Variants in SIPA1L3 observed in about 807,000 individuals in gnomAD.
SIPA1L3 encodes the protein signal-induced proliferation-associated 1-like protein 3.
SIPA1L3 carries 59 observed loss-of-function variants against 150.1 expected under a neutral mutation model. The observed-to-expected ratio is 0.39, with a 90% CI of 0.32 to 0.49. The LOEUF is 0.49. Among genes scored for constraint, SIPA1L3 ranks in the 20% least tolerant of loss-of-function variants. The pLI, the probability that SIPA1L3 is intolerant of heterozygous loss-of-function variation, is 0.86. For synonymous variants in SIPA1L3, 1,070 were observed against 1,077.6 expected, an observed-to-expected ratio of 0.99 and a Z score of 0.14; for missense variants, 2,211 against 2,489.5, an observed-to-expected ratio of 0.89 and a Z score of 2.38.
At chr19:37,919,183 C>G (rs1278558828) in intron 1 of SIPA1L3, among the ~76,000 whole-genome samples, 3 of 152,290 alleles carry the variant, frequency 2.0e-5, no homozygotes, top group East Asian at 3.9e-4. Context: ...TCCTGGCCTT[C>G]TACCTAAACA....
intron 1 of SIPA1L3, among the ~76,000 whole-genome samples, chr19:37,919,802 C>A (rs1295323617): frequency 6.6e-6 from 1 of 151,000 alleles, no homozygotes; most frequent in Non-Finnish European, 1.5e-5. Flanking sequence ...CCTCTGCCTC[C>A]CGGGTTCAAG....
chr19:38,172,936 C>T (rs1336063105), intron 15 of SIPA1L3, among the ~76,000 whole-genome samples: 1 of 151,908 alleles, frequency 6.6e-6, no homozygotes, highest in Non-Finnish European at 1.5e-5. Context: ...ATGGCAAAAC[C>T]CCATGTCTAC....
intron 2 of SIPA1L3, among the ~76,000 whole-genome samples, chr19:38,067,433 G>A (rs1969620955): frequency 6.6e-6 from 1 of 152,052 alleles, no homozygotes. Flanking sequence ...AGGAATTTGG[G>A]CTCCTTCTGG....
intron 1 of SIPA1L3, among the ~76,000 whole-genome samples, chr19:38,003,291 A>G (rs1361610908): frequency 6.6e-6 from 1 of 152,236 alleles, no homozygotes; most frequent in Non-Finnish European, 1.5e-5. Context: ...CAAGAACCGC[A>G]GAGCCATATG....
chr19:38,199,729 C>A (rs1027646739), intron 19 of SIPA1L3: 2 of 152,104 alleles, frequency 1.3e-5, no homozygotes, highest in East Asian at 3.9e-4. Flanking sequence ...TTCAGCTTGC[C>A]TGGAGGTGTG....
At chr19:37,926,671 A>G (rs1310611050) in intron 1 of SIPA1L3, among the ~76,000 whole-genome samples, 1 of 152,114 alleles carries the variant, frequency 6.6e-6, no homozygotes, top group Non-Finnish European at 1.5e-5. Flanking sequence ...TTGTGGAACC[A>G]GGGCACTGGC....
chr19:37,999,466 C>T lies in SIPA1L3; in HGVS notation c.-378-29623C>T, dbSNP rs75618039. ...ATCCTTGTTAAACAGGCAACCGCCCCAGCCTTCTCTCTAGTTGCACATGGA... is the reference window on the plus strand; with the variant it reads ...ATCCTTGTTAAACAGGCAACCGCCCTAGCCTTCTCTCTAGTTGCACATGGA... On this transcript the variant is annotated intron_variant, in intron 1 of 21. Transcript: ENST00000222345. 9.7e-3 allele frequency among the ~76,000 whole-genome samples: 1,479 copies of T among 152,338 alleles called. 23 individuals are homozygous for T. Among genetic ancestry groups the T allele is most frequent in the African/African-American group, 0.033 (1,371 of 41,590 alleles).
chr19:38,170,399 C>CT (rs1972301673), intron 15 of SIPA1L3, among the ~76,000 whole-genome samples: 1 of 146,864 alleles, frequency 6.8e-6, no homozygotes, highest in Non-Finnish European at 1.5e-5. Flanking sequence ...AGCCCAGCAG[C>CT]CCCCCTCATG....
chr19:38,019,566 A>G (rs1968319826), intron 1 of SIPA1L3, among the ~76,000 whole-genome samples: 1 of 152,216 alleles, frequency 6.6e-6, no homozygotes, highest in Non-Finnish European at 1.5e-5. Context: ...GAAGAGAAGA[A>G]TGGCTGCTGG....
At chr19:38,016,825 C>T (rs994018871) in intron 1 of SIPA1L3, among the ~76,000 whole-genome samples, 11 of 149,840 alleles carry the variant, frequency 7.3e-5, no homozygotes, top group Non-Finnish European at 1.2e-4. Context: ...TGGTTAATAC[C>T]GGTCATGTTT....
At chr19:38,094,909 A>T (rs952949373) in intron 4 of SIPA1L3, among the ~76,000 whole-genome samples, 1 of 152,038 alleles carries the variant, frequency 6.6e-6, no homozygotes, top group Non-Finnish European at 1.5e-5. Flanking sequence ...TCTACTAAAA[A>T]TACAAAAATT....
intron 2 of SIPA1L3, among the ~76,000 whole-genome samples, chr19:38,076,015 C>T (rs1468724613): frequency 1.3e-5 from 2 of 151,650 alleles, no homozygotes; most frequent in Admixed American, 6.6e-5. Flanking sequence ...GTGGCGGGCG[C>T]GTGTAGTCTC....
intron 1 of SIPA1L3, among the ~76,000 whole-genome samples, chr19:37,987,109 G>A (rs886286756): frequency 3.3e-5 from 5 of 151,972 alleles, no homozygotes; most frequent in African/African-American, 1.2e-4. Context: ...CGAATTTTTT[G>A]TAGAGATGGG....
At chr19:37,921,819 T>G (rs983438573) in intron 1 of SIPA1L3, among the ~76,000 whole-genome samples, 1 of 151,952 alleles carries the variant, frequency 6.6e-6, no homozygotes, top group Admixed American at 6.6e-5. Context: ...TCGTGGCTGG[T>G]CTCGAACTCC....
At chr19:37,965,799 G>A (rs2046899202) in intron 1 of SIPA1L3, among the ~76,000 whole-genome samples, 1 of 150,522 alleles carries the variant, frequency 6.6e-6, no homozygotes. Flanking sequence ...GGTGTTGGGT[G>A]ACATTAAATT....
chr19:38,149,872 C>T (rs1971780640), intron 12 of SIPA1L3, among the ~76,000 whole-genome samples: 1 of 152,208 alleles, frequency 6.6e-6, no homozygotes, highest in Non-Finnish European at 1.5e-5. Context: ...AGAGGCTAGT[C>T]ATGGGGAGCA....
intron 2 of SIPA1L3, among the ~76,000 whole-genome samples, chr19:38,067,884 G>A (rs1969631900): frequency 6.6e-6 from 1 of 152,220 alleles, no homozygotes; most frequent in South Asian, 2.1e-4. Context: ...CAGTGGAGCA[G>A]AGTCTCTGCC....
At chr19:38,157,374 G>C (rs1049604842) in intron 13 of SIPA1L3, among the ~76,000 whole-genome samples, 2 of 152,184 alleles carry the variant, frequency 1.3e-5, no homozygotes, top group African/African-American at 2.4e-5. Context: ...CCCCCGGTTA[G>C]AGAGGAGGAC....
chr19:37,965,928 G>A (rs779304118), intron 1 of SIPA1L3, among the ~76,000 whole-genome samples: 12 of 152,256 alleles, frequency 7.9e-5, no homozygotes, highest in Admixed American at 1.3e-4. Flanking sequence ...CCACCTTCCT[G>A]ATCTTTGTGT....
Sources: allele counts gnomAD v4.1 joint callset (sites outside exome capture counted in the v4.1 genomes callset), GRCh38; gene constraint gnomAD v4.1.1; transcripts MANE v1.5; gene names NCBI Gene and HGNC (gene_info 2026-07-23, HGNC 2026-07-21).